RBFOX1: variants seen among roughly 807,000 people sequenced by gnomAD.
The protein encoded by RBFOX1 is RNA binding fox-1 homolog 1.
A neutral mutation model predicts 57.7 loss-of-function variants in RBFOX1; 8 were observed. That is an observed-to-expected ratio of 0.14 (90% CI 0.08 to 0.25). RBFOX1 has a LOEUF of 0.25. Among genes scored for constraint, RBFOX1 ranks in the 10% least tolerant of loss-of-function variants. The probability of loss-of-function intolerance (pLI) is 1.00; values close to 1 mark genes in which losing one functional copy is unlikely to be tolerated. For synonymous variants in RBFOX1, 326 were observed against 222.4 expected (o/e 1.47, Z -4.15); for missense variants, 611 against 548.5 (o/e 1.11, Z -1.14).
intron 4 of RBFOX1, among the ~76,000 whole-genome samples, chr16:7,108,765 G>C (rs1305568724): frequency 6.6e-6 from 1 of 152,154 alleles, no homozygotes; most frequent in Non-Finnish European, 1.5e-5. Context: ...ACTCACCCCT[G>C]TGCTCAAAGA....
chr16:6,898,868 CAT>C (rs144055430), intron 3 of RBFOX1, among the ~76,000 whole-genome samples: 2,520 of 145,376 alleles, frequency 0.017, 68 homozygotes, highest in African/African-American at 0.061. Context: ...ATATTACACA[CAT>C]GTACACGTGT....
At chr16:5,856,230 T>A (rs143172296) in intron 3 of RBFOX1, among the ~76,000 whole-genome samples, 12 of 65,064 alleles carry the variant, frequency 1.8e-4, no homozygotes, top group South Asian at 1.6e-3. Flanking sequence ...TATATATATG[T>A]ATATATATGT....
At chr16:6,432,393 C>A (rs141763446) in intron 2 of RBFOX1, among the ~76,000 whole-genome samples, 3 of 151,836 alleles carry the variant, frequency 2.0e-5, no homozygotes, top group African/African-American at 7.3e-5. Flanking sequence ...TTAATGAGGC[C>A]GGGCACAGTG....
intron 3 of RBFOX1, among the ~76,000 whole-genome samples, chr16:6,707,702 C>T (rs2063011622): frequency 6.6e-6 from 1 of 152,132 alleles, no homozygotes; most frequent in Admixed American, 6.5e-5. Context: ...GAGTGCCCTT[C>T]CTCCCAGTTT....
intron 3 of RBFOX1, among the ~76,000 whole-genome samples, chr16:6,762,573 T>C (rs889779941): frequency 6.6e-6 from 1 of 152,210 alleles, no homozygotes. Context: ...TAGACTACTA[T>C]ATTTAATTCT....
intron 5 of RBFOX1, among the ~76,000 whole-genome samples, chr16:7,555,791 A>C (rs184305115): frequency 6.6e-6 from 1 of 152,226 alleles, no homozygotes; most frequent in East Asian, 1.9e-4. Context: ...ACCTTCATAA[A>C]AGCCATCCAT....
chr16:7,570,943 T>G (rs2092710511), intron 5 of RBFOX1, among the ~76,000 whole-genome samples: 1 of 152,170 alleles, frequency 6.6e-6, no homozygotes. Flanking sequence ...GGACAGTGGA[T>G]GGAGCTGGAA....
chr16:6,848,745 C>G (rs1032259405), intron 3 of RBFOX1, among the ~76,000 whole-genome samples: 6 of 152,090 alleles, frequency 3.9e-5, no homozygotes, highest in Admixed American at 6.5e-5. Context: ...TAACATATGA[C>G]AAGTCACATT....
chr16:6,627,452 C>G (rs190968575), intron 2 of RBFOX1, among the ~76,000 whole-genome samples: 3 of 152,214 alleles, frequency 2.0e-5, no homozygotes, highest in Admixed American at 6.5e-5. Flanking sequence ...TCAGAAAAGT[C>G]TCTATGATGT....
intron 1 of RBFOX1, among the ~76,000 whole-genome samples, chr16:5,293,990 A>C (rs1249987810): frequency 6.6e-6 from 1 of 152,192 alleles, no homozygotes; most frequent in African/African-American, 2.4e-5. Context: ...GCACTTTGGG[A>C]GGCCAAGGCG....
At chr16:6,088,077 T>C (rs1417407535) in intron 1 of RBFOX1, among the ~76,000 whole-genome samples, 1 of 152,190 alleles carries the variant, frequency 6.6e-6, no homozygotes, top group East Asian at 1.9e-4. Context: ...ACAAGGTGAA[T>C]TTTAGAGAGA....
intron 3 of RBFOX1, among the ~76,000 whole-genome samples, chr16:6,925,388 G>C (rs531661289): frequency 1.3e-5 from 2 of 151,708 alleles, no homozygotes; most frequent in Non-Finnish European, 2.9e-5. Context: ...GTCTCCGAAC[G>C]TGCCGGGATT....
At chr16:6,575,041 T>TA (rs60159843) in intron 2 of RBFOX1, among the ~76,000 whole-genome samples, 4,885 of 141,934 alleles carry the variant, frequency 0.034, 118 homozygotes, top group African/African-American at 0.064. Context: ...CCGTCTCAAT[T>TA]AAAAAAAAAA....
chr16:7,076,036 GC>G (rs2058231385), intron 4 of RBFOX1, among the ~76,000 whole-genome samples: 1 of 148,058 alleles, frequency 6.8e-6, no homozygotes, highest in Admixed American at 6.7e-5. Context: ...TCACACTTGG[GC>G]TTTTTTTTTT....
At chr16:5,834,686 G>C (rs1166633282) in intron 3 of RBFOX1, among the ~76,000 whole-genome samples, 1 of 98,996 alleles carries the variant, frequency 1.0e-5, no homozygotes, top group Non-Finnish European at 1.9e-5. Context: ...GAATGGGATA[G>C]GTAGATAGAT....
intron 3 of RBFOX1, among the ~76,000 whole-genome samples, chr16:6,746,206 C>G (rs1050167175): frequency 6.6e-6 from 1 of 151,912 alleles, no homozygotes; most frequent in Non-Finnish European, 1.5e-5. Flanking sequence ...TCTGTAGATT[C>G]AACACAATGC....
chr16:5,330,983 G>GT (rs36011859), intron 1 of RBFOX1, among the ~76,000 whole-genome samples: 3 of 151,910 alleles, frequency 2.0e-5, no homozygotes, highest in African/African-American at 7.3e-5. Context: ...CTCTCTGGTG[G>GT]TTTTTTTCCA....
At chr16:6,021,281 C>T (rs1156441902) in intron 1 of RBFOX1, among the ~76,000 whole-genome samples, 1 of 152,292 alleles carries the variant, frequency 6.6e-6, no homozygotes, top group South Asian at 2.1e-4. Context: ...ATGCCCCAGC[C>T]TGCCATCCCT....
intron 4 of RBFOX1, among the ~76,000 whole-genome samples, chr16:7,466,717 C>A (rs1944844632): frequency 6.6e-6 from 1 of 152,212 alleles, no homozygotes; most frequent in South Asian, 2.1e-4. Flanking sequence ...ATGAATTATT[C>A]AGTGATGATG....
Sources: gnomAD v4.1 joint callset for allele counts (sites outside exome capture counted in the v4.1 genomes callset) on GRCh38, gnomAD v4.1.1 for gene constraint, MANE v1.5 for transcripts, NCBI Gene and HGNC (gene_info 2026-07-23, HGNC 2026-07-21) for gene names.